The following UCK2 variants were observed in gnomAD, a reference collection of about 807,000 sequenced individuals.
UCK2 encodes the protein cytidine monophosphokinase 2.
In UCK2, 6 loss-of-function variants were observed where a neutral mutation model predicts 30.8. That is an observed-to-expected ratio of 0.19 (90% CI 0.11 to 0.38). The LOEUF is 0.38. Ranked by LOEUF, UCK2 falls within the 10% of genes least tolerant of loss-of-function variation. The probability of loss-of-function intolerance (pLI) is 1.00; values close to 1 mark genes in which losing one functional copy is unlikely to be tolerated. For missense variants in UCK2, 210 were observed against 339.8 expected (o/e 0.62, Z 3.00); for synonymous variants, 125 against 133.6 (o/e 0.94, Z 0.45).
intron 1 of UCK2, among the ~76,000 whole-genome samples, chr1:165,883,779 T>C (rs1359568193): frequency 1.3e-5 from 2 of 152,198 alleles, no homozygotes; most frequent in African/African-American, 2.4e-5. Flanking sequence ...TCTTTCGTTC[T>C]TCACAATAAA....
intron 1 of UCK2, among the ~76,000 whole-genome samples, chr1:165,832,063 C>T (rs1031611173): frequency 6.6e-6 from 1 of 152,168 alleles, no homozygotes; most frequent in Non-Finnish European, 1.5e-5. Context: ...GCCACCGTGC[C>T]CGGCCTTATT....
At chr1:165,880,219 G>A (rs920531801) in intron 1 of UCK2, among the ~76,000 whole-genome samples, 7 of 152,128 alleles carry the variant, frequency 4.6e-5, no homozygotes, top group Non-Finnish European at 7.4e-5. Context: ...GTCAGCTTTC[G>A]TTTTGTGTCT....
In UCK2 at chr1:165,827,946, C is replaced by G; in HGVS notation, c.99+14C>G. 2.2e-6 allele frequency: 3 copies of G among 1,340,132 alleles called. No individual in the cohort carries two copies. Among genetic ancestry groups the G allele is most frequent in the East Asian group, 3.1e-5 (1 of 32,572 alleles). 83.0% of individuals were successfully genotyped at this position (1,340,132 alleles called of 1,614,324 possible). On this transcript the variant is annotated intron_variant, in intron 1 of 6. Coordinates refer to ENST00000367879, the MANE Select transcript of UCK2 (RefSeq NM_012474.5). ...GCTAGCGGCAAGGTACGGCGGGGCC[C>G]GGAGCCGCGCTCCCTTCCCGGCTTC...
chr1:165,829,811 G>GCA (rs1653997885), intron 1 of UCK2, among the ~76,000 whole-genome samples: 1 of 152,106 alleles, frequency 6.6e-6, no homozygotes, highest in Non-Finnish European at 1.5e-5. Flanking sequence ...AAGAAAGGAA[G>GCA]GGTCCGTTTT....
At chr1:165,844,690 G>T (rs561375601) in intron 1 of UCK2, among the ~76,000 whole-genome samples, 1 of 152,158 alleles carries the variant, frequency 6.6e-6, no homozygotes, top group Admixed American at 6.5e-5. Flanking sequence ...AGAGGGAGAG[G>T]GGGGCTGAAG....
rs542268334 is a variant in UCK2 at position 165,907,368 on chromosome 1, G to A, written c.647-316G>A. 7.2e-5 allele frequency among the ~76,000 whole-genome samples: 11 copies of A among 152,132 alleles called. No individual in the cohort carries two copies. In the South Asian group the frequency reaches 2.3e-3, roughly 32 times the overall value. On this transcript the variant is annotated intron_variant, in intron 6 of 6. Coordinates refer to ENST00000367879, the MANE Select transcript of UCK2 (RefSeq NM_012474.5). ...TGTCAGAACCATGGCTGGTTACCAC[G>A]TCTGCAGACTTTGGCCCGAGTGCTT...
rs1655732913 is a variant in UCK2, at chr1:165,890,272, G to A, written c.168G>A (p.Val56=). 6.2e-7 allele frequency: 1 copy of A among 1,614,022 alleles called. No individual in the cohort carries two copies. The highest frequency in any genetic ancestry group is 1.3e-5 in the African/African-American group (1 of 74,908). Residue 56 remains valine, a synonymous_variant, in exon 2 of 7, where the codon GTG becomes GTA. Transcript: ENST00000367879. ...AGGTGGACTATCGCCAGAAGCAGGT[G>A]GTCATCCTGAGCCAGGATAGCTTCT... ...QNEVDYRQKQ[V]VILSQDSFYR...
intron 1 of UCK2, among the ~76,000 whole-genome samples, chr1:165,879,863 A>G (rs1261114936): frequency 6.6e-6 from 1 of 152,042 alleles, no homozygotes; most frequent in Non-Finnish European, 1.5e-5. Context: ...TGTGAAAGAG[A>G]CTCTGAAAAA....
chr1:165,895,669 C>A (rs1427792124), intron 3 of UCK2: 1 of 985,326 alleles, frequency 1.0e-6, no homozygotes, highest in Non-Finnish European at 1.2e-6. Flanking sequence ...CAAAACTTTT[C>A]TTTATTTTCC....
intron 1 of UCK2, among the ~76,000 whole-genome samples, chr1:165,842,176 C>T (rs183649999): frequency 2.0e-5 from 3 of 152,310 alleles, no homozygotes; most frequent in Admixed American, 2.0e-4. Flanking sequence ...TCACTCTCAC[C>T]ATTCTTCTCA....
intron 1 of UCK2, among the ~76,000 whole-genome samples, chr1:165,859,477 A>G (rs1654834412): frequency 6.6e-6 from 1 of 152,182 alleles, no homozygotes; most frequent in South Asian, 2.1e-4. Flanking sequence ...CTCTGGGCCC[A>G]GATCCCTGAA....
intron 1 of UCK2, among the ~76,000 whole-genome samples, chr1:165,853,058 G>C (rs1026022627): frequency 6.6e-6 from 1 of 152,140 alleles, no homozygotes; most frequent in Non-Finnish European, 1.5e-5. Context: ...TCCTTCCTCT[G>C]TGTGAGCTCC....
At chr1:165,870,208 T>G (rs1165157926) in intron 1 of UCK2, among the ~76,000 whole-genome samples, 1 of 151,064 alleles carries the variant, frequency 6.6e-6, no homozygotes, top group Non-Finnish European at 1.5e-5. Flanking sequence ...TTCATTTTTT[T>G]TTTTTTTTTT....
chr1:165,890,009 A>G (rs1655725522), intron 1 of UCK2, among the ~76,000 whole-genome samples, 195 bp from the exon 2 acceptor site: 1 of 152,150 alleles, frequency 6.6e-6, no homozygotes, highest in Non-Finnish European at 1.5e-5. Context: ...ATGTTCCCAC[A>G]TGAGACGTGA....
rs140792557 is a variant in UCK2 at position 165,908,966 on chromosome 1, T to G, written c.*1143T>G. On this transcript the variant is annotated 3_prime_UTR_variant, in exon 7 of 7. Transcript: ENST00000367879. ...AGTAACTTTGGTCAGGGATTCTCAC[T>G]AGCAGCGTCATGGCCAGGATGCTTT... The G allele has an allele frequency of 6.6e-6, 1 of 152,228 alleles. No individual in the cohort carries two copies. The highest frequency in any genetic ancestry group is 2.4e-5 in the African/African-American group (1 of 41,442). 9.4% of individuals were successfully genotyped at this position (152,228 alleles called of 1,614,324 possible). A position where few individuals can be genotyped will look rare whatever the true frequency, so the allele number is the denominator to read the frequency against.
At position 165,862,935 on chromosome 1, in the gene UCK2, A is replaced by G. The variant is rs559525375; in HGVS notation, c.100-27269A>G. Among the ~76,000 whole-genome samples the G allele has an allele frequency of 2.0e-5, 3 of 152,308 alleles. No individual in the cohort carries two copies. The East Asian group carries it at 5.8e-4, about 29-fold the overall frequency. ...ATAGGACTTCCCTGTGTAGAAAAGAAAAACTTTATTTTTTAGGGATTTTGT... is the reference window on the plus strand; with the variant it reads ...ATAGGACTTCCCTGTGTAGAAAAGAGAAACTTTATTTTTTAGGGATTTTGT... On this transcript the variant is annotated intron_variant, in intron 1 of 6. Coordinates refer to ENST00000367879, the MANE Select transcript of UCK2 (RefSeq NM_012474.5).
intron 1 of UCK2, among the ~76,000 whole-genome samples, chr1:165,832,494 T>A (rs983310399): frequency 6.6e-6 from 1 of 152,240 alleles, no homozygotes; most frequent in Non-Finnish European, 1.5e-5. Flanking sequence ...AGCATTTGAT[T>A]ATCTATTCCC....
chr1:165,853,154 C>T (rs946882260), intron 1 of UCK2, among the ~76,000 whole-genome samples: 1 of 152,134 alleles, frequency 6.6e-6, no homozygotes, highest in Non-Finnish European at 1.5e-5. Context: ...TAGGCTTTAG[C>T]GCTAGTGCTG....
In UCK2 at chr1:165,861,650, CAA is replaced by C. The variant is rs986990445; in HGVS notation, c.100-28546_100-28545del. On this transcript the variant is annotated intron_variant, in intron 1 of 6. Transcript: ENST00000367879. Reference sequence around the variant, plus strand: ...CTCAAAAAAAAAAAAAAAAAAAAAACAAAAAAAAACAACAGTAAAACTCAATA... The same window carrying C: ...CTCAAAAAAAAAAAAAAAAAAAAAACAAAAAAACAACAGTAAAACTCAATA... 3.8e-5 allele frequency among the ~76,000 whole-genome samples: 2 copies of C among 52,366 alleles called. 1 individual carries two copies. The highest frequency in any genetic ancestry group is 6.7e-5 in the Non-Finnish European group (2 of 29,652). 34.4% of individuals were successfully genotyped at this position (52,366 alleles called of 152,430 possible). A position where few individuals can be genotyped will look rare whatever the true frequency, so the allele number is the denominator to read the frequency against.
Sources: allele counts gnomAD v4.1 joint callset (sites outside exome capture counted in the v4.1 genomes callset), GRCh38; gene constraint gnomAD v4.1.1; transcripts MANE v1.5; gene names NCBI Gene and HGNC (gene_info 2026-07-23, HGNC 2026-07-21).